The following GALR1 variants were observed in gnomAD, a reference collection of about 807,000 sequenced individuals.
GALR1 encodes the protein galanin receptor 1.
Under a neutral mutation model 17.9 loss-of-function variants are expected in GALR1, and 11 were observed. The observed-to-expected ratio is 0.62, with a 90% CI of 0.39 to 1.02. The LOEUF (loss-of-function observed/expected upper bound fraction) is 1.02, where lower values mean the gene tolerates loss of function less well. GALR1 is among the 50% of genes least tolerant of loss of function. The pLI is 0.01. For synonymous variants in GALR1, 206 were observed against 205.7 expected, an observed-to-expected ratio of 1.00 and a Z score of -0.01; for missense variants, 441 against 456.9, an observed-to-expected ratio of 0.97 and a Z score of 0.32.
Position 77,268,939 on chromosome 18 carries a change from T to C in GALR1, c.*37T>C. ...GTATCCTTATGGTTGAGTTTCCATATAAGTGGACCAGACACAGAAACAAAC... is the reference window on the plus strand; with the variant it reads ...GTATCCTTATGGTTGAGTTTCCATACAAGTGGACCAGACACAGAAACAAAC... On this transcript the variant is annotated 3_prime_UTR_variant, in exon 3 of 3. Transcript: ENST00000299727. 6.8e-7 allele frequency: 1 copy of C among 1,467,032 alleles called. No individual in the cohort carries two copies. The highest frequency in any genetic ancestry group is 9.5e-7 in the Non-Finnish European group (1 of 1,058,150). The allele number at this position is 1,467,032 out of a possible 1,614,324, so 90.9% of individuals were successfully genotyped here.
At chr18:77,258,627 A>ATGGTGGTGATGGTGG (rs1912665143) in intron 2 of GALR1, among the ~76,000 whole-genome samples, 2 of 67,364 alleles carry the variant, frequency 3.0e-5, no homozygotes, top group African/African-American at 1.2e-4. Context: ...GGTGGTGGTG[A>ATGGTGGTGATGGTGG]TGGTGGTGAT....
chr18:77,256,307 C>CA (rs1912587080), intron 2 of GALR1, 84 bp downstream of exon 2: 1 of 775,390 alleles, frequency 1.3e-6, no homozygotes, highest in South Asian at 1.6e-5. Context: ...CACGTCCATC[C>CA]AAAGCCTGTA....
At chr18:77,256,797 C>A (rs930637006) in intron 2 of GALR1, among the ~76,000 whole-genome samples, 2 of 152,158 alleles carry the variant, frequency 1.3e-5, no homozygotes, top group Non-Finnish European at 2.9e-5. Flanking sequence ...ACTTTCTCAT[C>A]CCCCAGCCCC....
chr18:77,250,446 A>C lies in GALR1; in HGVS notation c.-103A>C. ...GGGAAGCTCAGACTCCTAAACTCGC[A>C]CTCTCCGTGCTTTGCGCCGGGACCC... On this transcript the variant is annotated 5_prime_UTR_variant, in exon 1 of 3. Coordinates refer to ENST00000299727, the MANE Select transcript of GALR1 (RefSeq NM_001480.4). 3 of 1,227,122 alleles carry C rather than the reference A, an allele frequency of 2.4e-6. No homozygotes were observed. Among genetic ancestry groups the C allele is most frequent in the South Asian group, 3.5e-5 (2 of 56,776 alleles). 76.0% of individuals were successfully genotyped at this position (1,227,122 alleles called of 1,614,324 possible).
In GALR1 at chr18:77,275,965, T is replaced by C. The variant is rs1053826037; in HGVS notation, c.*7063T>C. On this transcript the variant is annotated 3_prime_UTR_variant, in exon 3 of 3. Transcript: ENST00000299727. ...GGTAGACACTGAGTGAATACACAGA[T>C]TCCTAGATTTGAGATATTTTCAAAA... 6.6e-6 allele frequency: 1 copy of C among 152,192 alleles called. No individual in the cohort carries two copies. The highest frequency in any genetic ancestry group is 2.4e-5 in the African/African-American group (1 of 41,456). 9.4% of individuals were successfully genotyped at this position (152,192 alleles called of 1,614,324 possible).
rs1420403357 is a variant in GALR1 at position 77,250,466 on chromosome 18, G to A, written c.-83G>A. 4.4e-6 allele frequency: 6 copies of A among 1,350,396 alleles called. No individual in the cohort carries two copies. Among genetic ancestry groups the A allele is most frequent in the East Asian group, 5.6e-5 (2 of 35,670 alleles). The allele number at this position is 1,350,396 out of a possible 1,614,324, so 83.7% of individuals were successfully genotyped here. A position where few individuals can be genotyped will look rare whatever the true frequency, so the allele number is the denominator to read the frequency against. ...CTCGCACTCTCCGTGCTTTGCGCCG[G>A]GACCCCTGGCCACCCCCGGCGCCTA... is the stretch of plus-strand genomic sequence containing the variant. On this transcript the variant is annotated 5_prime_UTR_variant, in exon 1 of 3. Transcript: ENST00000299727.
rs755295011 is a variant in GALR1, at chr18:77,250,584, C to A, written c.36C>A (p.Asn12Lys). 5 of 1,544,020 alleles carry A rather than the reference C, an allele frequency of 3.2e-6. No individual in the cohort carries two copies. The highest frequency in any genetic ancestry group is 4.3e-6 in the Non-Finnish European group (5 of 1,149,686). Residue 12 changes from asparagine to lysine, a missense_variant, in exon 1 of 3, where the codon AAC (asparagine) becomes AAA (lysine). By Grantham distance (94) the Asn-to-Lys change is moderately conservative. Coordinates refer to ENST00000299727, the MANE Select transcript of GALR1 (RefSeq NM_001480.4). ...ELAVGNLSEG[N>K]ASWPEPPAPE... is the part of the protein sequence containing the mutation. ...CGGTCGGGAACCTCAGCGAGGGCAA[C>A]GCGAGCTGGCCGGAGCCCCCCGCCC...
chr18:77,271,246 A>ACCCCCCCCCCCCCCC lies in GALR1; in HGVS notation c.*2357_*2358insCCCCCCCCCCCCCCC, dbSNP rs35556274. Reference sequence around the variant, plus strand: ...CAAAAAGTAATAGCTTGCGCTTGAAACCCCCCCCCCCCCGCCACTTTGCTA... The same window carrying ACCCCCCCCCCCCCCC: ...CAAAAAGTAATAGCTTGCGCTTGAAACCCCCCCCCCCCCCCCCCCCCCCCCCCCGCCACTTTGCTA... On this transcript the variant is annotated 3_prime_UTR_variant, in exon 3 of 3. Coordinates refer to ENST00000299727, the MANE Select transcript of GALR1 (RefSeq NM_001480.4). The ACCCCCCCCCCCCCCC allele has an allele frequency of 1.3e-5, 1 of 77,952 alleles. No individual in the cohort carries two copies. The highest frequency in any genetic ancestry group is 1.3e-4 in the Admixed American group (1 of 7,766). 4.8% of individuals were successfully genotyped at this position (77,952 alleles called of 1,614,324 possible).
rs1315216712 is a variant in GALR1 at position 77,276,046 on chromosome 18, A to G, written c.*7144A>G. 1.1e-5 allele frequency: 1 copy of G among 95,186 alleles called. No homozygotes were observed. The highest frequency in any genetic ancestry group is 2.9e-5 in the African/African-American group (1 of 34,486). 5.9% of individuals were successfully genotyped at this position (95,186 alleles called of 1,614,324 possible). On this transcript the variant is annotated 3_prime_UTR_variant, in exon 3 of 3. Transcript: ENST00000299727. Reference sequence around the variant, plus strand: ...AGTCATTCCATTGAAGTGAAATTGGATTATAATTTAGAAATATTTATAAGC... The same window carrying G: ...AGTCATTCCATTGAAGTGAAATTGGGTTATAATTTAGAAATATTTATAAGC...
chr18:77,267,599 G>C (rs898443494), intron 2 of GALR1, among the ~76,000 whole-genome samples: 1 of 152,238 alleles, frequency 6.6e-6, no homozygotes, highest in Non-Finnish European at 1.5e-5. Context: ...CCATCTGTTT[G>C]AGGAGAGAAC....
rs1417256358 is a variant in GALR1, at chr18:77,275,363, C to T, written c.*6461C>T. The T allele has an allele frequency of 1.3e-5, 2 of 152,238 alleles. No individual in the cohort carries two copies. The highest frequency in any genetic ancestry group is 2.9e-5 in the Non-Finnish European group (2 of 68,078). The allele number at this position is 152,238 out of a possible 1,614,324, so 9.4% of individuals were successfully genotyped here. On this transcript the variant is annotated 3_prime_UTR_variant, in exon 3 of 3. Coordinates refer to ENST00000299727, the MANE Select transcript of GALR1 (RefSeq NM_001480.4). ...GGAGTTGTGATGGGTGTGCCTCCCT[C>T]GGACTTACTCTGGCCAGGAACTGCA... is the stretch of plus-strand genomic sequence containing the variant.
intron 2 of GALR1, among the ~76,000 whole-genome samples, chr18:77,256,498 GGTGA>G (rs200100740): frequency 2.2e-4 from 20 of 91,078 alleles, no homozygotes; most frequent in Non-Finnish European, 4.8e-5. Flanking sequence ...CTCACCAGGA[GGTGA>G]GTGCACTTAG....
chr18:77,255,550 A>G (rs2850881), intron 1 of GALR1, among the ~76,000 whole-genome samples: 138,914 of 152,142 alleles, frequency 0.91, 63,542 homozygotes, highest in East Asian at 0.97. Context: ...GTGATTTGCC[A>G]TACGGAGAAT....
Position 77,268,690 on chromosome 18 carries a change from G to A in GALR1, c.838G>A (p.Ala280Thr). 4.3e-6 allele frequency: 7 copies of A among 1,614,102 alleles called. No homozygotes were observed. The highest frequency in any genetic ancestry group is 2.2e-5 in the East Asian group (1 of 44,878). Residue 280 changes from alanine (A) to threonine (T), a missense_variant, in exon 3 of 3, where the codon GCT becomes ACT. By Grantham distance (58) the Ala-to-Thr change is moderately conservative. Coordinates refer to ENST00000299727, the MANE Select transcript of GALR1 (RefSeq NM_001480.4). ...GTTTGGAGTTTTCCCGCTGACGCCG[G>A]CTTCCTTCCTCTTCAGAATCACCGC... Reference protein sequence around the residue: ...AEFGVFPLTPASFLFRITAHC... With the variant: ...AEFGVFPLTPTSFLFRITAHC...
chr18:77,264,861 C>G (rs1195387829), intron 2 of GALR1, among the ~76,000 whole-genome samples: 1 of 152,130 alleles, frequency 6.6e-6, no homozygotes, highest in Non-Finnish European at 1.5e-5. Flanking sequence ...AAGGTAACTG[C>G]CCTCATGATT....
intron 2 of GALR1, among the ~76,000 whole-genome samples, chr18:77,258,617 G>A (rs1912662608): frequency 6.7e-6 from 1 of 150,262 alleles, no homozygotes; most frequent in African/African-American, 2.5e-5. Context: ...TGGTGATGGT[G>A]GTGGTGGTGA....
At chr18:77,257,249 G>C (rs1912612058) in intron 2 of GALR1, among the ~76,000 whole-genome samples, 1 of 152,068 alleles carries the variant, frequency 6.6e-6, no homozygotes, top group Admixed American at 6.5e-5. Flanking sequence ...GTAGAGAATT[G>C]GTTATAGAGC....
rs1913048613 is a variant in GALR1 at position 77,270,858 on chromosome 18, G to A, written c.*1956G>A. The A allele has an allele frequency of 6.6e-6, 1 of 152,158 alleles. No homozygotes were observed. The highest frequency in any genetic ancestry group is 2.1e-4 in the South Asian group (1 of 4,824). The allele number at this position is 152,158 out of a possible 1,614,324, so 9.4% of individuals were successfully genotyped here. A position where few individuals can be genotyped will look rare whatever the true frequency, so the allele number is the denominator to read the frequency against. ...AAAGAATATGTCCTTTGCATCGAAT[G>A]TTTTTTGCACTTTATTCAAATATAT... On this transcript the variant is annotated 3_prime_UTR_variant, in exon 3 of 3. Transcript: ENST00000299727.
intron 2 of GALR1, among the ~76,000 whole-genome samples, chr18:77,263,625 T>C (rs1198119498): frequency 6.6e-6 from 1 of 152,148 alleles, no homozygotes; most frequent in Non-Finnish European, 1.5e-5. Flanking sequence ...GCTAGTAGGA[T>C]TTGTCCTGGC....
Sources: gnomAD v4.1 joint callset for allele counts (sites outside exome capture counted in the v4.1 genomes callset) on GRCh38, gnomAD v4.1.1 for gene constraint, MANE v1.5 for transcripts, NCBI Gene and HGNC (gene_info 2026-07-23, HGNC 2026-07-21) for gene names.